Variants in PTPRD observed in about 807,000 individuals in gnomAD.
PTPRD encodes the protein protein tyrosine phosphatase receptor type D, also known as receptor-type tyrosine-protein phosphatase delta.
In PTPRD, 34 loss-of-function variants were observed where a neutral mutation model predicts 214.5. The ratio of observed to expected loss-of-function variants is 0.16; its 90% CI spans 0.12 to 0.21. The LOEUF (loss-of-function observed/expected upper bound fraction) is 0.21, where lower values mean the gene tolerates loss of function less well. Ranked by LOEUF, PTPRD falls within the 10% of genes least tolerant of loss-of-function variation. The probability of loss-of-function intolerance (pLI) is 1.00; values close to 1 mark genes in which losing one functional copy is unlikely to be tolerated. For synonymous variants in PTPRD, 1,128 were observed against 845.7 expected, an observed-to-expected ratio of 1.33 and a Z score of -5.79; for missense variants, 2,545 against 2,398.7, an observed-to-expected ratio of 1.06 and a Z score of -1.27.
At chr9:9,311,932 G>A (rs905537987) in intron 9 of PTPRD, among the ~76,000 whole-genome samples, 1 of 152,138 alleles carries the variant, frequency 6.6e-6, no homozygotes, top group African/African-American at 2.4e-5. Context: ...TTTTATACCA[G>A]TGTCAATAAT....
chr9:10,034,896 C>A (rs2097150290), intron 3 of PTPRD, among the ~76,000 whole-genome samples: 1 of 152,120 alleles, frequency 6.6e-6, no homozygotes, highest in South Asian at 2.1e-4. Flanking sequence ...CATACACGTG[C>A]ATGTGTCTTT....
At chr9:8,842,782 G>A (rs1004231879) in intron 11 of PTPRD, among the ~76,000 whole-genome samples, 6 of 152,130 alleles carry the variant, frequency 3.9e-5, no homozygotes, top group East Asian at 1.9e-4. Context: ...AAATTCAAAC[G>A]CACTATAATA....
intron 4 of PTPRD, among the ~76,000 whole-genome samples, chr9:9,969,020 G>C (rs1021955900): frequency 1.3e-5 from 2 of 152,112 alleles, no homozygotes; most frequent in African/African-American, 4.8e-5. Flanking sequence ...GTAGGAGAGA[G>C]TCCATAGTCA....
chr9:10,121,137 A>T (rs571551675), intron 3 of PTPRD, among the ~76,000 whole-genome samples: 4 of 152,164 alleles, frequency 2.6e-5, no homozygotes, highest in Non-Finnish European at 5.9e-5. Context: ...ATTAGCTTGT[A>T]TAGTATTGTG....
chr9:8,388,920 T>A (rs530197160), intron 37 of PTPRD, among the ~76,000 whole-genome samples: 1 of 152,194 alleles, frequency 6.6e-6, no homozygotes, highest in Non-Finnish European at 1.5e-5. Flanking sequence ...ATGGTGTTTT[T>A]GAAAGAGGTT....
chr9:10,078,560 CCTATGTAGCCCTCTA>C (rs2098176685), intron 3 of PTPRD, among the ~76,000 whole-genome samples: 1 of 150,378 alleles, frequency 6.6e-6, no homozygotes, highest in Non-Finnish European at 1.5e-5. Flanking sequence ...CCCATATAAT[CCTATGTAGCCCTCTA>C]CTCATTGTTG....
chr9:9,392,493 C>T (rs1380506649), intron 9 of PTPRD, among the ~76,000 whole-genome samples: 1 of 152,168 alleles, frequency 6.6e-6, no homozygotes, highest in Admixed American at 6.5e-5. Context: ...CACGGTCCTT[C>T]TGTTGTCTAC....
chr9:9,648,222 A>G (rs544889002), intron 7 of PTPRD, among the ~76,000 whole-genome samples: 5 of 139,176 alleles, frequency 3.6e-5, no homozygotes, highest in Admixed American at 3.5e-4. Context: ...ATAGCCTATT[A>G]AAAAAAAAAC....
At chr9:9,545,853 T>A (rs890660663) in intron 8 of PTPRD, among the ~76,000 whole-genome samples, 2 of 151,866 alleles carry the variant, frequency 1.3e-5, no homozygotes, top group African/African-American at 4.8e-5. Context: ...AGATTTTGAC[T>A]GAGATTGCAT....
chr9:9,965,449 G>T (rs982701689), intron 4 of PTPRD, among the ~76,000 whole-genome samples: 1 of 152,178 alleles, frequency 6.6e-6, no homozygotes, highest in Non-Finnish European at 1.5e-5. Flanking sequence ...TGGGCTTAGA[G>T]CACTTGTCGG....
intron 36 of PTPRD, among the ~76,000 whole-genome samples, chr9:8,404,317 T>C (rs2092749394): frequency 6.6e-6 from 1 of 152,014 alleles, no homozygotes; most frequent in Non-Finnish European, 1.5e-5. Flanking sequence ...TCAGTAGAGA[T>C]GGGTTTTCAG....
intron 2 of PTPRD, among the ~76,000 whole-genome samples, chr9:10,410,291 TAATA>T (rs1352191622): frequency 1.6e-5 from 2 of 124,236 alleles, no homozygotes; most frequent in Non-Finnish European, 3.5e-5. Context: ...ACACAATATA[TAATA>T]TATATAATAT....
chr9:9,115,059 G>C (rs1433050176), intron 10 of PTPRD, among the ~76,000 whole-genome samples: 1 of 152,136 alleles, frequency 6.6e-6, no homozygotes. Flanking sequence ...CTGAACTGGA[G>C]CTCAGAAAGA....
At chr9:9,488,235 GT>G (rs1257644869) in intron 8 of PTPRD, among the ~76,000 whole-genome samples, 2 of 152,160 alleles carry the variant, frequency 1.3e-5, no homozygotes, top group Admixed American at 1.3e-4. Flanking sequence ...ATGAGACAAT[GT>G]TCATCACTCC....
chr9:10,237,716 G>A (rs1460564555), intron 3 of PTPRD, among the ~76,000 whole-genome samples: 1 of 151,834 alleles, frequency 6.6e-6, no homozygotes, highest in Non-Finnish European at 1.5e-5. Context: ...CATGGAACAT[G>A]TTAAATGAAA....
chr9:10,276,059 C>G (rs1366771573), intron 3 of PTPRD, among the ~76,000 whole-genome samples: 1 of 152,172 alleles, frequency 6.6e-6, no homozygotes, highest in East Asian at 1.9e-4. Context: ...TAATGTTTAG[C>G]ACAGGATTGC....
chr9:10,331,030 T>C (rs187322964), intron 3 of PTPRD, among the ~76,000 whole-genome samples: 2 of 151,928 alleles, frequency 1.3e-5, no homozygotes, highest in Admixed American at 1.3e-4. Flanking sequence ...TTCACAATCA[T>C]TCTTCCTTCC....
At chr9:9,689,919 C>G (rs962913442) in intron 7 of PTPRD, among the ~76,000 whole-genome samples, 1 of 151,850 alleles carries the variant, frequency 6.6e-6, no homozygotes, top group Non-Finnish European at 1.5e-5. Flanking sequence ...CTATATTTAA[C>G]TACTGTGAAT....
At chr9:8,547,651 A>AG (rs1217068825) in intron 14 of PTPRD, among the ~76,000 whole-genome samples, 1 of 152,010 alleles carries the variant, frequency 6.6e-6, no homozygotes, top group East Asian at 1.9e-4. Context: ...TAAAAAAAAA[A>AG]AAAAAAAAAA....
Sources: allele counts gnomAD v4.1 joint callset (sites outside exome capture counted in the v4.1 genomes callset), GRCh38; gene constraint gnomAD v4.1.1; transcripts MANE v1.5; gene names NCBI Gene and HGNC (gene_info 2026-07-23, HGNC 2026-07-21).